Variants in TRPC5 observed in about 807,000 individuals in gnomAD.
TRPC5 encodes the protein short transient receptor potential channel 5.
A neutral mutation model predicts 56.5 loss-of-function variants in TRPC5; 9 were observed. The observed-to-expected ratio is 0.16, with a 90% CI of 0.10 to 0.28. The LOEUF is 0.28. Among genes scored for constraint, TRPC5 ranks in the 10% least tolerant of loss-of-function variants. The pLI, the probability that TRPC5 is intolerant of heterozygous loss-of-function variation, is 1.00. For missense variants in TRPC5, 469 were observed against 748.9 expected (o/e 0.63, Z 4.36); for synonymous variants, 282 against 278.5 (o/e 1.01, Z -0.13).
chrX:111,818,809 G>A (rs1412176212), intron 7 of TRPC5, among the ~76,000 whole-genome samples: 1 of 109,357 alleles, frequency 9.1e-6, no homozygotes, highest in Non-Finnish European at 1.9e-5. Flanking sequence ...TCTCCATATT[G>A]GTCAGGCTGG....
Position 111,776,179 on chromosome X carries a change from G to T in TRPC5, c.*134C>A, listed in dbSNP as rs1018427880. 2 of 575,540 alleles carry T rather than the reference G, an allele frequency of 3.5e-6. No homozygotes were observed. The highest frequency in any genetic ancestry group is 5.2e-6 in the Non-Finnish European group (2 of 381,165). 47.4% of individuals were successfully genotyped at this position (575,540 alleles called of 1,213,427 possible). On this transcript the variant is annotated 3_prime_UTR_variant, in exon 11 of 11. Coordinates refer to ENST00000262839, the MANE Select transcript of TRPC5 (RefSeq NM_012471.3). Reference sequence around the variant, plus strand: ...AAAAATGGAGAATGTGGCTATAAAAGATGGTGCAAATAAGAGTTTCACTCT... The same window carrying T: ...AAAAATGGAGAATGTGGCTATAAAATATGGTGCAAATAAGAGTTTCACTCT...
chrX:111,802,796 T>C (rs935866246), intron 7 of TRPC5, among the ~76,000 whole-genome samples: 1 of 112,120 alleles, frequency 8.9e-6, no homozygotes, highest in Non-Finnish European at 1.9e-5. Context: ...CCTCATTTCA[T>C]AATGGTGACA....
chrX:111,842,224 G>A (rs961651065), intron 6 of TRPC5, among the ~76,000 whole-genome samples: 2 of 101,879 alleles, frequency 2.0e-5, no homozygotes, highest in Admixed American at 2.1e-4. Context: ...TGCAGTCTCT[G>A]GCTCCCGGGT....
At chrX:111,815,051 G>A (rs1277019895) in intron 7 of TRPC5, among the ~76,000 whole-genome samples, 3 of 111,790 alleles carry the variant, frequency 2.7e-5, no homozygotes, top group African/African-American at 6.5e-5. Context: ...AAGACATTAC[G>A]AAATAGGTTA....
intron 2 of TRPC5, among the ~76,000 whole-genome samples, chrX:111,949,829 C>A (rs2148637416): frequency 9.0e-6 from 1 of 111,724 alleles, no homozygotes; most frequent in African/African-American, 3.3e-5. Flanking sequence ...TTTTATCCAG[C>A]AATCCCACTA....
intron 3 of TRPC5, among the ~76,000 whole-genome samples, chrX:111,905,757 A>G (rs1025206900): frequency 1.8e-5 from 2 of 109,492 alleles, no homozygotes; most frequent in African/African-American, 6.7e-5. Flanking sequence ...TACTAAAAAT[A>G]CAAAAAAATT....
intron 3 of TRPC5, among the ~76,000 whole-genome samples, chrX:111,910,415 G>C (rs112946630): frequency 0.12 from 13,699 of 111,588 alleles, 1,134 homozygotes; most frequent in African/African-American, 0.3. Flanking sequence ...GAGAGGGAGG[G>C]ATAAGAGAAG....
At chrX:112,054,466 C>T (rs1335303680) in intron 1 of TRPC5, among the ~76,000 whole-genome samples, 1 of 110,678 alleles carries the variant, frequency 9.0e-6, no homozygotes, top group East Asian at 2.8e-4. Flanking sequence ...TACAATACTG[C>T]AAGAGAGAGG....
At chrX:111,795,514 G>A (rs1921055563) in intron 7 of TRPC5, among the ~76,000 whole-genome samples, 1 of 110,372 alleles carries the variant, frequency 9.1e-6, no homozygotes, top group Non-Finnish European at 1.9e-5. Context: ...GGTAGTTTTT[G>A]CTTTAAATAT....
chrX:112,030,936 G>C (rs1254535023), intron 1 of TRPC5, among the ~76,000 whole-genome samples: 2 of 111,111 alleles, frequency 1.8e-5, no homozygotes, highest in African/African-American at 6.5e-5. Flanking sequence ...GATCCTGCAG[G>C]GTTATACATC....
intron 2 of TRPC5, among the ~76,000 whole-genome samples, chrX:111,944,461 C>T (rs555833145): frequency 1.5e-4 from 17 of 110,667 alleles, no homozygotes; most frequent in African/African-American, 4.9e-4. Context: ...TGTTTAAGAA[C>T]CACTTGTTTA....
At chrX:111,843,699 G>C (rs778245991) in intron 6 of TRPC5, among the ~76,000 whole-genome samples, 2 of 111,107 alleles carry the variant, frequency 1.8e-5, no homozygotes, top group South Asian at 7.6e-4. Flanking sequence ...TATTCTGGCA[G>C]GCATGAAGCC....
At chrX:111,897,401 C>T (rs757090659) in intron 3 of TRPC5, among the ~76,000 whole-genome samples, 1 of 110,925 alleles carries the variant, frequency 9.0e-6, no homozygotes, top group Non-Finnish European at 1.9e-5. Context: ...GTAAAATTTA[C>T]ATATAGTGAA....
At chrX:111,778,594 ATT>A (rs1945896648) in intron 10 of TRPC5, among the ~76,000 whole-genome samples, 1 of 112,069 alleles carries the variant, frequency 8.9e-6, no homozygotes, top group African/African-American at 3.2e-5. Context: ...AAGACCTTAG[ATT>A]TAATAACAGA....
chrX:112,052,846 C>T (rs1182130979), intron 1 of TRPC5, among the ~76,000 whole-genome samples: 1 of 111,833 alleles, frequency 8.9e-6, no homozygotes, highest in Non-Finnish European at 1.9e-5. Flanking sequence ...CCACTTTTCT[C>T]AACTCTATTT....
intron 9 of TRPC5, among the ~76,000 whole-genome samples, 167 bp from the exon 10 acceptor site, chrX:111,779,241 A>G (rs1945901588): frequency 8.9e-6 from 1 of 112,028 alleles, no homozygotes; most frequent in African/African-American, 3.2e-5. Flanking sequence ...TGGCTAAACA[A>G]CTATTGTGTC....
At chrX:111,948,250 C>T (rs1300229860) in intron 2 of TRPC5, among the ~76,000 whole-genome samples, 2 of 111,281 alleles carry the variant, frequency 1.8e-5, no homozygotes, top group African/African-American at 6.5e-5. Context: ...GAAGAGAGAC[C>T]TGTCTGACTT....
intron 3 of TRPC5, among the ~76,000 whole-genome samples, chrX:111,906,066 A>G (rs936667413): frequency 9.3e-6 from 1 of 107,846 alleles, no homozygotes; most frequent in Non-Finnish European, 1.9e-5. Context: ...CAAAGATGTC[A>G]TTAACAGGCC....
chrX:112,018,651 G>A (rs1368473487), intron 1 of TRPC5, among the ~76,000 whole-genome samples: 1 of 112,343 alleles, frequency 8.9e-6, no homozygotes, highest in Non-Finnish European at 1.9e-5. Context: ...GTTTTTTATT[G>A]CGGCATAAAA....
Sources: allele counts gnomAD v4.1 joint callset (sites outside exome capture counted in the v4.1 genomes callset), GRCh38; gene constraint gnomAD v4.1.1; transcripts MANE v1.5; gene names NCBI Gene and HGNC (gene_info 2026-07-23, HGNC 2026-07-21).